The following INSL6 variants were observed in gnomAD, a reference collection of about 807,000 sequenced individuals.
INSL6 encodes insulin-like peptide INSL6.
INSL6 carries 16 observed loss-of-function variants against 9.4 expected under a neutral mutation model. The observed-to-expected ratio is 1.70, with a 90% CI of 1.15 to 2.59. The LOEUF (loss-of-function observed/expected upper bound fraction) is 2.59. INSL6 is among the 30% of genes most tolerant of loss of function. The pLI, the probability that INSL6 is intolerant of heterozygous loss-of-function variation, is 0.00. For synonymous variants in INSL6, 154 were observed against 96.9 expected, an observed-to-expected ratio of 1.59 and a Z score of -3.46; for missense variants, 391 against 257.3, an observed-to-expected ratio of 1.52 and a Z score of -3.56.
intron 2 of INSL6, among the ~76,000 whole-genome samples, chr9:5,142,388 T>G (rs939504386): frequency 6.6e-6 from 1 of 152,234 alleles, no homozygotes; most frequent in East Asian, 1.9e-4. Context: ...TCTGATTTCT[T>G]TGAGCAGTTG....
intron 2 of INSL6, among the ~76,000 whole-genome samples, chr9:5,156,279 A>C (rs1333852144): frequency 1.3e-5 from 2 of 152,234 alleles, no homozygotes; most frequent in African/African-American, 4.8e-5. Flanking sequence ...TAAATCATAT[A>C]ATCCTAAACA....
At chr9:5,004,528 G>A in the INSL6 span, among the ~76,000 whole-genome samples, 3 of 152,050 alleles carry the variant, frequency 2.0e-5, no homozygotes, top group East Asian at 3.9e-4. Context: ...TTCTTTATCA[G>A]TTCATCTGTT....
the INSL6 span, among the ~76,000 whole-genome samples, chr9:5,018,570 C>G: frequency 6.6e-6 from 1 of 152,160 alleles, no homozygotes; most frequent in East Asian, 1.9e-4. Flanking sequence ...AACTCCTGGG[C>G]TCAAGCAGTC....
intron 1 of INSL6, among the ~76,000 whole-genome samples, chr9:5,178,820 T>C (rs1230304069): frequency 2.0e-5 from 3 of 152,094 alleles, no homozygotes; most frequent in South Asian, 2.1e-4. Context: ...AGGCTCAAAA[T>C]TGAAACTGGA....
the INSL6 span, among the ~76,000 whole-genome samples, chr9:5,043,127 C>T: frequency 1.3e-5 from 2 of 152,238 alleles, no homozygotes; most frequent in South Asian, 2.1e-4. Flanking sequence ...CCCGACCCAG[C>T]CCCGCAGGTG....
At chr9:4,995,773 TTA>T in the INSL6 span, among the ~76,000 whole-genome samples, 1 of 152,252 alleles carries the variant, frequency 6.6e-6, no homozygotes, top group East Asian at 1.9e-4. Flanking sequence ...ATTATTCATT[TTA>T]GTTATTCTAT....
chr9:4,998,687 A>C, the INSL6 span, among the ~76,000 whole-genome samples: 1 of 152,032 alleles, frequency 6.6e-6, no homozygotes, highest in Non-Finnish European at 1.5e-5. Context: ...GTCATCATTA[A>C]GCATGATTCT....
chr9:5,032,299 C>A, the INSL6 span, among the ~76,000 whole-genome samples: 1 of 152,336 alleles, frequency 6.6e-6, no homozygotes, highest in South Asian at 2.1e-4. Flanking sequence ...GCCTGCCGGC[C>A]TCTGTAGACT....
At position 5,185,516 on chromosome 9, in the gene INSL6, G is replaced by T. The variant is rs766124518; in HGVS notation, c.87C>A (p.Ala29=). ...FSRELSDISS[A]RKLCGRYLVK... ...CCAAGTACCTGCCGCACAGCTTCCT[G>T]GCACTGCTGATGTCGCTCAGTTCAC... Residue 29 remains alanine (A), a synonymous_variant, in exon 1 of 2, where the codon GCC becomes GCA. Coordinates refer to ENST00000381641, the MANE Select transcript of INSL6 (RefSeq NM_007179.3). 1 of 1,614,176 alleles carries T rather than the reference G, an allele frequency of 6.2e-7. No individual in the cohort carries two copies. The highest frequency in any genetic ancestry group is 1.1e-5 in the South Asian group (1 of 91,078).
At chr9:5,148,167 A>G (rs1388442439) in intron 2 of INSL6, among the ~76,000 whole-genome samples, 1 of 152,156 alleles carries the variant, frequency 6.6e-6, no homozygotes, top group Non-Finnish European at 1.5e-5. Flanking sequence ...GAGAGCTGGT[A>G]TTCCTTCAAT....
At chr9:5,114,009 G>T in the INSL6 span, 2 of 290,920 alleles carry the variant, frequency 6.9e-6, no homozygotes, top group Non-Finnish European at 1.4e-5. Context: ...GGTCGTGGAT[G>T]TGAACTGGTC....
At chr9:5,075,699 ATGTTAT>A in the INSL6 span, among the ~76,000 whole-genome samples, 3 of 152,196 alleles carry the variant, frequency 2.0e-5, no homozygotes, top group Non-Finnish European at 2.9e-5. Context: ...AAGGATATTC[ATGTTAT>A]TTTCAGGCCT....
chr9:5,013,667 T>G, the INSL6 span, among the ~76,000 whole-genome samples: 606 of 152,342 alleles, frequency 4.0e-3, 4 homozygotes, highest in African/African-American at 0.014. Flanking sequence ...AATTCTATTT[T>G]CCTTTTAAGG....
the INSL6 span, among the ~76,000 whole-genome samples, chr9:5,063,342 T>C: frequency 6.6e-6 from 1 of 152,232 alleles, no homozygotes; most frequent in African/African-American, 2.4e-5. Flanking sequence ...CTGTCATATA[T>C]GATAGCATTT....
the INSL6 span, chr9:5,109,228 T>G: frequency 6.6e-6 from 1 of 152,194 alleles, no homozygotes; most frequent in Non-Finnish European, 1.5e-5. Flanking sequence ...TACATTAATA[T>G]TTATACATGT....
intron 2 of INSL6, among the ~76,000 whole-genome samples, chr9:5,152,809 G>C: frequency 6.6e-6 from 1 of 152,296 alleles, no homozygotes; most frequent in Non-Finnish European, 1.5e-5. Flanking sequence ...CAAGATCGAC[G>C]CAGAAGGCAG....
At chr9:5,139,741 C>T (rs992907751) in intron 2 of INSL6, among the ~76,000 whole-genome samples, 1 of 152,196 alleles carries the variant, frequency 6.6e-6, no homozygotes, top group Non-Finnish European at 1.5e-5. Flanking sequence ...CTCAGGAACA[C>T]AGCCAGGCTA....
the INSL6 span, among the ~76,000 whole-genome samples, chr9:5,080,894 T>G: frequency 1.1e-4 from 3 of 27,894 alleles, no homozygotes; most frequent in East Asian, 1.8e-3. Flanking sequence ...GACCTTTTCT[T>G]TTTTTTTTTT....
chr9:5,057,132 G>A, the INSL6 span, among the ~76,000 whole-genome samples: 1 of 152,060 alleles, frequency 6.6e-6, no homozygotes, highest in East Asian at 1.9e-4. Flanking sequence ...ATGTTTTTCA[G>A]TAATTCTTGA....
Sources: allele counts gnomAD v4.1 joint callset (sites outside exome capture counted in the v4.1 genomes callset), GRCh38; gene constraint gnomAD v4.1.1; transcripts MANE v1.5; gene names NCBI Gene and HGNC (gene_info 2026-07-23, HGNC 2026-07-21).